Variants in SCAPER observed in about 807,000 individuals in gnomAD.
SCAPER encodes the protein S phase cyclin A-associated protein in the endoplasmic reticulum.
SCAPER carries 98 observed loss-of-function variants against 182.2 expected under a neutral mutation model. The observed-to-expected ratio is 0.54, with a 90% CI of 0.46 to 0.64. SCAPER has a LOEUF of 0.64. Ranked by LOEUF, SCAPER falls within the 30% of genes least tolerant of loss-of-function variation. The probability of loss-of-function intolerance (pLI) is 0.00; values close to 1 mark genes in which losing one functional copy is unlikely to be tolerated. For missense variants in SCAPER, 1,432 were observed against 1,690.0 expected (o/e 0.85, Z 2.68); for synonymous variants, 605 against 564.6 (o/e 1.07, Z -1.01).
At chr15:76,552,717 A>G (rs372219284) in intron 23 of SCAPER, among the ~76,000 whole-genome samples, 5 of 152,160 alleles carry the variant, frequency 3.3e-5, no homozygotes, top group African/African-American at 1.2e-4. Flanking sequence ...GATGCAGTGC[A>G]GCATGGCCAG....
At chr15:76,846,303 A>G (rs2070080532) in intron 4 of SCAPER, among the ~76,000 whole-genome samples, 1 of 152,176 alleles carries the variant, frequency 6.6e-6, no homozygotes, top group African/African-American at 2.4e-5. Flanking sequence ...CTTGAGCAAT[A>G]TACCCCATAA....
At chr15:76,768,982 T>C (rs1253206182) in intron 10 of SCAPER, among the ~76,000 whole-genome samples, 4 of 152,068 alleles carry the variant, frequency 2.6e-5, no homozygotes, top group East Asian at 1.9e-4. Flanking sequence ...AAAATAAATA[T>C]GTTGAGTGAA....
chr15:76,497,128 A>T (rs1183514299), intron 24 of SCAPER, among the ~76,000 whole-genome samples: 2 of 4,472 alleles, frequency 4.5e-4, no homozygotes, highest in South Asian at 0.043. Flanking sequence ...TTTTTTTCCC[A>T]AAACGGCCTT....
chr15:76,699,397 G>A (rs926847676), intron 20 of SCAPER, among the ~76,000 whole-genome samples: 1 of 152,072 alleles, frequency 6.6e-6, no homozygotes, highest in Non-Finnish European at 1.5e-5. Flanking sequence ...TTGGCTGTGG[G>A]GTTGTCATAG....
chr15:76,885,268 C>A (rs1353535008), intron 1 of SCAPER, among the ~76,000 whole-genome samples: 1 of 152,178 alleles, frequency 6.6e-6, no homozygotes, highest in South Asian at 2.1e-4. Flanking sequence ...AAAGTCCTCA[C>A]AGTAGGTTAT....
At chr15:76,904,734 C>T (rs1242148694) in intron 1 of SCAPER, 2 of 152,298 alleles carry the variant, frequency 1.3e-5, no homozygotes, top group Admixed American at 1.3e-4. Flanking sequence ...CCCTCCAGGC[C>T]TCAGCGCACG....
At chr15:76,752,222 C>A (rs369962410) in intron 15 of SCAPER, among the ~76,000 whole-genome samples, 1 of 151,474 alleles carries the variant, frequency 6.6e-6, no homozygotes. Context: ...ATCACAAAAA[C>A]AAAATGATGG....
intron 16 of SCAPER, among the ~76,000 whole-genome samples, chr15:76,730,116 A>G (rs1044589792): frequency 2.0e-5 from 3 of 152,180 alleles, no homozygotes; most frequent in African/African-American, 7.2e-5. Context: ...AGTAAAAGAT[A>G]GCAGAAAAAA....
intron 10 of SCAPER, among the ~76,000 whole-genome samples, chr15:76,768,191 A>T (rs1259400411): frequency 1.3e-5 from 2 of 152,018 alleles, no homozygotes; most frequent in East Asian, 3.9e-4. Flanking sequence ...CAACAATTCC[A>T]CTCCTAGATA....
chr15:76,406,441 G>C (rs1170620460), intron 26 of SCAPER, among the ~76,000 whole-genome samples: 1 of 151,836 alleles, frequency 6.6e-6, no homozygotes, highest in Non-Finnish European at 1.5e-5. Context: ...TCATGCCATT[G>C]TACTCCAGCC....
intron 24 of SCAPER, among the ~76,000 whole-genome samples, chr15:76,483,435 G>A (rs950081013): frequency 1.1e-4 from 17 of 152,118 alleles, no homozygotes; most frequent in Non-Finnish European, 2.4e-4. Flanking sequence ...ATGATCCTGA[G>A]TTTGGTAATG....
intron 28 of SCAPER, among the ~76,000 whole-genome samples, chr15:76,378,105 G>T (rs868609534): frequency 6.6e-6 from 1 of 152,190 alleles, no homozygotes; most frequent in Non-Finnish European, 1.5e-5. Flanking sequence ...TAATGTGATG[G>T]CTCAAAGTCA....
chr15:76,433,171 T>C (rs1316441426), intron 26 of SCAPER, among the ~76,000 whole-genome samples: 1 of 152,110 alleles, frequency 6.6e-6, no homozygotes, highest in Non-Finnish European at 1.5e-5. Context: ...ATCAAGAAAC[T>C]TGTAAAAGCT....
At chr15:76,783,553 T>C (rs906712939) in intron 8 of SCAPER, among the ~76,000 whole-genome samples, 4 of 152,132 alleles carry the variant, frequency 2.6e-5, no homozygotes, top group Non-Finnish European at 5.9e-5. Flanking sequence ...ATCATCCAGA[T>C]ATGAAAGCCT....
intron 8 of SCAPER, among the ~76,000 whole-genome samples, chr15:76,794,358 T>G (rs1363768459): frequency 6.6e-6 from 1 of 152,236 alleles, no homozygotes; most frequent in Non-Finnish European, 1.5e-5. Context: ...TTAGAATCTT[T>G]CAAGATACAG....
intron 5 of SCAPER, among the ~76,000 whole-genome samples, chr15:76,837,655 A>G (rs1486530959): frequency 6.6e-6 from 1 of 152,244 alleles, no homozygotes; most frequent in Non-Finnish European, 1.5e-5. Flanking sequence ...AATGCTCAAC[A>G]TGACTAATCA....
intron 23 of SCAPER, among the ~76,000 whole-genome samples, chr15:76,550,947 TA>T (rs946445636): frequency 1.3e-5 from 2 of 151,834 alleles, no homozygotes; most frequent in African/African-American, 4.8e-5. Context: ...AACAGGTATA[TA>T]AAAAAAATTC....
At chr15:76,373,692 G>C (rs368197307) in intron 29 of SCAPER, among the ~76,000 whole-genome samples, 2 of 152,210 alleles carry the variant, frequency 1.3e-5, no homozygotes, top group Non-Finnish European at 2.9e-5. Context: ...GATCCAAACT[G>C]TCTATATTTT....
intron 20 of SCAPER, among the ~76,000 whole-genome samples, chr15:76,696,124 A>T (rs1201648214): frequency 6.6e-6 from 1 of 152,240 alleles, no homozygotes; most frequent in African/African-American, 2.4e-5. Flanking sequence ...AGGTAAGGAA[A>T]TAAATGGGTC....
Sources: allele counts gnomAD v4.1 joint callset (sites outside exome capture counted in the v4.1 genomes callset), GRCh38; gene constraint gnomAD v4.1.1; transcripts MANE v1.5; gene names NCBI Gene and HGNC (gene_info 2026-07-23, HGNC 2026-07-21).